CSNK1G2: variants seen among roughly 807,000 people sequenced by gnomAD.
CSNK1G2 encodes the protein casein kinase 1 gamma 2.
CSNK1G2 carries 11 observed loss-of-function variants against 48.0 expected under a neutral mutation model. That is an observed-to-expected ratio of 0.23 (90% CI 0.14 to 0.38). CSNK1G2 has a LOEUF of 0.38. CSNK1G2 is among the 10% of genes least tolerant of loss of function. The pLI is 1.00. For missense variants in CSNK1G2, 446 were observed against 595.5 expected (o/e 0.75, Z 2.61); for synonymous variants, 337 against 254.1 (o/e 1.33, Z -3.10).
Position 1,969,724 on chromosome 19 carries a change from TTTGC to T in CSNK1G2, c.-48_-45del. The T allele has an allele frequency of 2.4e-6, 3 of 1,249,056 alleles. No individual in the cohort carries two copies. The highest frequency in any genetic ancestry group is 3.0e-6 in the Non-Finnish European group (3 of 986,340). The allele number at this position is 1,249,056 out of a possible 1,614,324, so 77.4% of individuals were successfully genotyped here. ...ACCTCAGGTTTCCAGAGACTTGGGA[TTTGC>T]ACGGCAGCAGAGTCACCGTGGAGAG... On this transcript the variant is annotated 5_prime_UTR_variant, in exon 2 of 12. Transcript: ENST00000255641.
intron 2 of CSNK1G2, among the ~76,000 whole-genome samples, chr19:1,976,975 G>C (rs772399252): frequency 8.5e-5 from 13 of 152,202 alleles, no homozygotes; most frequent in South Asian, 2.1e-4. Context: ...CCGACCTCAG[G>C]TGATCCGCCT....
intron 1 of CSNK1G2, among the ~76,000 whole-genome samples, chr19:1,950,478 G>A (rs2014725633): frequency 6.8e-6 from 1 of 147,120 alleles, no homozygotes; most frequent in African/African-American, 2.6e-5. Context: ...GAACTCAGCA[G>A]TGTTGGAGAA....
At chr19:1,951,211 C>T (rs2014749958) in intron 1 of CSNK1G2, among the ~76,000 whole-genome samples, 1 of 144,970 alleles carries the variant, frequency 6.9e-6, no homozygotes, top group Admixed American at 6.9e-5. Flanking sequence ...ACCATCCTGG[C>T]TCTACTAAAA....
chr19:1,948,278 C>T (rs1284094582), intron 1 of CSNK1G2, among the ~76,000 whole-genome samples: 1 of 152,026 alleles, frequency 6.6e-6, no homozygotes, highest in East Asian at 1.9e-4. Flanking sequence ...AATCCCAGCA[C>T]TTTGGGAGGC....
chr19:1,943,577 G>A (rs999376634), intron 1 of CSNK1G2, among the ~76,000 whole-genome samples: 2 of 152,094 alleles, frequency 1.3e-5, no homozygotes, highest in African/African-American at 2.4e-5. Context: ...CCATTAATTT[G>A]GGGATTGGGG....
At chr19:1,943,017 C>T (rs1228854641) in intron 1 of CSNK1G2, among the ~76,000 whole-genome samples, 1 of 152,172 alleles carries the variant, frequency 6.6e-6, no homozygotes, top group Non-Finnish European at 1.5e-5. Context: ...AGAGCCGCTC[C>T]TGCACAGACG....
rs2015749125 is a variant in CSNK1G2 at position 1,976,220 on chromosome 19, G to A, written c.188-2085G>A. 4.1e-6 allele frequency: 3 copies of A among 735,122 alleles called. No individual in the cohort carries two copies. In the South Asian group the frequency reaches 4.5e-5, roughly 11 times the overall value. 45.5% of individuals were successfully genotyped at this position (735,122 alleles called of 1,614,324 possible). A position where few individuals can be genotyped will look rare whatever the true frequency, so the allele number is the denominator to read the frequency against. Reference sequence around the variant, plus strand: ...AACGTGTTACACTGGGGAGAACGTAGGAGGGGAGCCCATTTGTTCTGAAAA... The same window carrying A: ...AACGTGTTACACTGGGGAGAACGTAAGAGGGGAGCCCATTTGTTCTGAAAA... On this transcript the variant is annotated intron_variant, in intron 2 of 11. Transcript: ENST00000255641.
intron 9 of CSNK1G2, 50 bp downstream of exon 9, chr19:1,979,693 C>T (rs1193392501): frequency 1.2e-6 from 2 of 1,601,972 alleles, no homozygotes; most frequent in African/African-American, 2.7e-5. Flanking sequence ...GGAAACTGCC[C>T]TGAGGGAGAT....
chr19:1,956,212 G>T (rs899959717), intron 1 of CSNK1G2, among the ~76,000 whole-genome samples: 1 of 152,168 alleles, frequency 6.6e-6, no homozygotes, highest in African/African-American at 2.4e-5. Flanking sequence ...GCCAGGAGCA[G>T]TGGGGCCCTA....
chr19:1,955,193 T>TG (rs1339287918), intron 1 of CSNK1G2, among the ~76,000 whole-genome samples: 1 of 152,068 alleles, frequency 6.6e-6, no homozygotes, highest in African/African-American at 2.4e-5. Flanking sequence ...TGCTGAGTCT[T>TG]GGAGTGGCGG....
intron 1 of CSNK1G2, among the ~76,000 whole-genome samples, chr19:1,949,441 C>T (rs978554612): frequency 6.6e-6 from 1 of 152,242 alleles, no homozygotes; most frequent in East Asian, 1.9e-4. Context: ...GAGTGTGACA[C>T]CCTCGGTGCA....
At chr19:1,973,092 T>TA (rs1311791096) in intron 2 of CSNK1G2, among the ~76,000 whole-genome samples, 1 of 151,570 alleles carries the variant, frequency 6.6e-6, no homozygotes, top group African/African-American at 2.4e-5. Flanking sequence ...CACACCCAGC[T>TA]AATTTTTTGT....
At chr19:1,953,525 G>A (rs766902295) in intron 1 of CSNK1G2, 2 of 528,958 alleles carry the variant, frequency 3.8e-6, no homozygotes, top group South Asian at 1.4e-5. Context: ...TGGGAAAATT[G>A]CCCCTATGTG....
At position 1,969,623 on chromosome 19, in the gene CSNK1G2, C is replaced by T. The variant is rs1219855718; in HGVS notation, c.-150C>T. ...GCGGCCTGGCCGGCCCGAACGCCTG[C>T]GTCTCAGTAGCTGGGAGCCACGGGC... On this transcript the variant is annotated 5_prime_UTR_variant, in exon 2 of 12. Transcript: ENST00000255641. 9.4e-6 allele frequency: 6 copies of T among 635,280 alleles called. No homozygotes were observed. In the East Asian group the frequency reaches 1.7e-4, roughly 18 times the overall value. The allele number at this position is 635,280 out of a possible 1,614,324, so 39.4% of individuals were successfully genotyped here. A position where few individuals can be genotyped will look rare whatever the true frequency, so the allele number is the denominator to read the frequency against.
At chr19:1,956,590 C>T (rs1436493501) in intron 1 of CSNK1G2, among the ~76,000 whole-genome samples, 1 of 152,232 alleles carries the variant, frequency 6.6e-6, no homozygotes. Flanking sequence ...GGCTGTGGCA[C>T]AGGCGCTTAC....
At chr19:1,973,112 A>G (rs1424031453) in intron 2 of CSNK1G2, among the ~76,000 whole-genome samples, 1 of 151,366 alleles carries the variant, frequency 6.6e-6, no homozygotes, top group African/African-American at 2.4e-5. Context: ...TATTTTTAGT[A>G]GAGACGGGGT....
intron 1 of CSNK1G2, among the ~76,000 whole-genome samples, chr19:1,943,895 T>C (rs555752460): frequency 2.0e-5 from 3 of 152,044 alleles, no homozygotes; most frequent in African/African-American, 7.2e-5. Flanking sequence ...GGGCGGGTGG[T>C]GGATGGAGGC....
At position 1,979,848 on chromosome 19, in the gene CSNK1G2, C is replaced by T. The variant is rs1016525405; in HGVS notation, c.1086+13C>T. 3 of 1,601,294 alleles carry T rather than the reference C, an allele frequency of 1.9e-6. No individual in the cohort carries two copies. The highest frequency in any genetic ancestry group is 2.6e-6 in the Non-Finnish European group (3 of 1,174,668). ...CAGCAAAAACCAGGTGAGGCCCGGG[C>T]GGGACCGACCGCCCCAGGGAGGGGC... On this transcript the variant is annotated intron_variant, in intron 10 of 11. Transcript: ENST00000255641.
At position 1,965,369 on chromosome 19, in the gene CSNK1G2, C is replaced by T. The variant is rs181322140; in HGVS notation, c.-265-4139C>T. ...CTGCACTCCAGCCTGGGCGACAGAG[C>T]GAGACTCCGTTTCCAAAAAAAAAAA... On this transcript the variant is annotated intron_variant, in intron 1 of 11. Coordinates refer to ENST00000255641, the MANE Select transcript of CSNK1G2 (RefSeq NM_001319.7). Among the ~76,000 whole-genome samples, 418 of 126,292 alleles carry T rather than the reference C, an allele frequency of 3.3e-3. 1 individual carries two copies. Among genetic ancestry groups the T allele is most frequent in the African/African-American group, 0.014 (394 of 27,850 alleles). 82.9% of individuals were successfully genotyped at this position (126,292 alleles called of 152,430 possible).
Sources: gnomAD v4.1 joint callset for allele counts (sites outside exome capture counted in the v4.1 genomes callset) on GRCh38, gnomAD v4.1.1 for gene constraint, MANE v1.5 for transcripts, NCBI Gene and HGNC (gene_info 2026-07-23, HGNC 2026-07-21) for gene names.